The following TTBK2 variants were observed in gnomAD, a reference collection of about 807,000 sequenced individuals.
The protein encoded by TTBK2 is tau-tubulin kinase 2.
In TTBK2, 28 loss-of-function variants were observed where a neutral mutation model predicts 110.8. The ratio of observed to expected loss-of-function variants is 0.25; its 90% CI spans 0.19 to 0.35. The LOEUF is 0.35. Among genes scored for constraint, TTBK2 ranks in the 10% least tolerant of loss-of-function variants. TTBK2 has a pLI of 1.00. For synonymous variants in TTBK2, 532 were observed against 527.3 expected, an observed-to-expected ratio of 1.01 and a Z score of -0.12; for missense variants, 1,369 against 1,500.3, an observed-to-expected ratio of 0.91 and a Z score of 1.45.
chr15:42,801,190 T>A (rs754690683), intron 9 of TTBK2: 1 of 1,383,730 alleles, frequency 7.2e-7, no homozygotes, highest in Non-Finnish European at 1.0e-6. Flanking sequence ...TGGATACTCA[T>A]GTTCTGCATC....
At chr15:42,901,640 TA>T (rs776451927) in intron 1 of TTBK2, among the ~76,000 whole-genome samples, 4 of 150,740 alleles carry the variant, frequency 2.7e-5, no homozygotes, top group African/African-American at 7.3e-5. Context: ...AGAATTTAAT[TA>T]AAAAAAATTT....
intron 9 of TTBK2, among the ~76,000 whole-genome samples, chr15:42,795,116 T>C (rs537179865): frequency 1.3e-5 from 2 of 152,336 alleles, no homozygotes; most frequent in Non-Finnish European, 2.9e-5. Flanking sequence ...TGCATTCAAT[T>C]GAACCATCTA....
intron 1 of TTBK2, among the ~76,000 whole-genome samples, chr15:42,894,615 T>A (rs1370133658): frequency 6.6e-6 from 1 of 152,066 alleles, no homozygotes. Context: ...TAGCTGGACA[T>A]GGTGATGCAC....
intron 3 of TTBK2, chr15:42,857,297 T>C (rs1033102073): frequency 6.6e-6 from 1 of 151,998 alleles, no homozygotes; most frequent in African/African-American, 2.4e-5. Context: ...AGGAGGATTG[T>C]GTGAGGCCAG....
intron 1 of TTBK2, among the ~76,000 whole-genome samples, chr15:42,898,910 G>A (rs1180334590): frequency 1.3e-5 from 2 of 152,174 alleles, no homozygotes; most frequent in Admixed American, 1.3e-4. Context: ...ATAACAACTT[G>A]TATATAACCA....
In TTBK2 at chr15:42,752,186, G is replaced by A. The variant is rs55735086; in HGVS notation, c.3060C>T (p.Leu1020=). 199 of 1,614,202 alleles carry A rather than the reference G, an allele frequency of 1.2e-4. No individual in the cohort carries two copies. The highest frequency in any genetic ancestry group is 1.5e-4 in the Non-Finnish European group (182 of 1,180,038). ...CTACTGTCAGTCTTGAAAAGGGAGT[G>A]AGCACTTCCTCCTCACAAAAGGGAG... ...VPAPFCEEEV[L]TPFSRLTVDS... is the part of the protein sequence containing the mutation. The change falls in exon 14 of 15, where the codon CTC becomes CTT. Residue 1020 remains leucine, a synonymous_variant. Transcript: ENST00000267890.
chr15:42,874,310 A>AT (rs1567071951), intron 2 of TTBK2, among the ~76,000 whole-genome samples: 3 of 150,260 alleles, frequency 2.0e-5, no homozygotes, highest in South Asian at 2.1e-4. Flanking sequence ...TTATTTTTTT[A>AT]TTTTTTTTAT....
chr15:42,889,913 C>T (rs180733622), intron 1 of TTBK2, among the ~76,000 whole-genome samples: 30 of 152,272 alleles, frequency 2.0e-4, no homozygotes, highest in Admixed American at 1.5e-3. Flanking sequence ...CACTCCAACA[C>T]TTCACTATTT....
At chr15:42,804,008 C>CAAAAAA in intron 9 of TTBK2, among the ~76,000 whole-genome samples, 1 of 51,032 alleles carries the variant, frequency 2.0e-5, no homozygotes, top group Non-Finnish European at 4.8e-5. Flanking sequence ...GCGAGGAGTG[C>CAAAAAA]AAAAAAAAAA....
rs1425546708 is a variant in TTBK2, at chr15:42,766,447, A to C, written c.1998+8688T>G. Among the ~76,000 whole-genome samples, 8 of 104,668 alleles carry C rather than the reference A, an allele frequency of 7.6e-5. No homozygotes were observed. In the East Asian group the frequency reaches 8.5e-4, roughly 11 times the overall value. The allele number at this position is 104,668 out of a possible 152,430, so 68.7% of individuals were successfully genotyped here. ...AAGATCTACCAAGCGAATGGAAAGC[A>C]AAAAAAAAAAAAAAAAAAAAGCAAG... On this transcript the variant is annotated intron_variant, in intron 13 of 14. Transcript: ENST00000267890.
chr15:42,761,685 T>A (rs947148153), intron 13 of TTBK2, among the ~76,000 whole-genome samples: 6 of 150,880 alleles, frequency 4.0e-5, no homozygotes, highest in African/African-American at 7.3e-5. Flanking sequence ...AACAAATACA[T>A]GAAAACATGT....
chr15:42,827,887 G>A (rs1045035540), intron 6 of TTBK2, 41 bp downstream of exon 6: 1 of 1,479,542 alleles, frequency 6.8e-7, no homozygotes, highest in African/African-American at 1.4e-5. Flanking sequence ...TAAATACCAG[G>A]GTAATTATCA....
chr15:42,864,475 T>C (rs908250788), intron 3 of TTBK2, among the ~76,000 whole-genome samples: 8 of 151,724 alleles, frequency 5.3e-5, no homozygotes, highest in African/African-American at 1.9e-4. Flanking sequence ...TCGCAAATAC[T>C]CGGGAGGCTG....
In TTBK2 at chr15:42,739,876, C is replaced by T. The variant is rs1023461666; in HGVS notation, c.*5919G>A. ...TGTGGTGAAATGCTGGGCATTGATT[C>T]CTCAGGATTTAAACTGCATATTATT... On this transcript the variant is annotated 3_prime_UTR_variant, in exon 15 of 15. Transcript: ENST00000267890. The T allele has an allele frequency of 6.6e-6, 1 of 152,084 alleles. No homozygotes were observed. Among genetic ancestry groups the T allele is most frequent in the Non-Finnish European group, 1.5e-5 (1 of 68,022 alleles). The allele number at this position is 152,084 out of a possible 1,614,324, so 9.4% of individuals were successfully genotyped here.
At chr15:42,882,025 T>C (rs1479486861) in intron 1 of TTBK2, among the ~76,000 whole-genome samples, 1 of 151,944 alleles carries the variant, frequency 6.6e-6, no homozygotes, top group African/African-American at 2.4e-5. Flanking sequence ...GAAGATAAAA[T>C]ATTTTTATAA....
intron 3 of TTBK2, among the ~76,000 whole-genome samples, chr15:42,855,470 T>C (rs1356053811): frequency 6.6e-6 from 1 of 152,058 alleles, no homozygotes; most frequent in Non-Finnish European, 1.5e-5. Context: ...AAAACAAGGA[T>C]GACATCAAAG....
chr15:42,849,891 C>T (rs536888368), intron 3 of TTBK2, among the ~76,000 whole-genome samples: 1 of 152,238 alleles, frequency 6.6e-6, no homozygotes, highest in Admixed American at 6.5e-5. Context: ...AAGTTCTTCC[C>T]TCTTCTACAA....
chr15:42,815,970 T>TAC, intron 7 of TTBK2, among the ~76,000 whole-genome samples: 1 of 112,496 alleles, frequency 8.9e-6, no homozygotes, highest in Non-Finnish European at 1.7e-5. Flanking sequence ...TATATATATA[T>TAC]ATATATATTT....
At chr15:42,889,191 T>C (rs530319958) in intron 1 of TTBK2, among the ~76,000 whole-genome samples, 1 of 152,116 alleles carries the variant, frequency 6.6e-6, no homozygotes, top group Non-Finnish European at 1.5e-5. Flanking sequence ...CCCCCTCCCT[T>C]CCCTACACAT....
Sources: allele counts gnomAD v4.1 joint callset (sites outside exome capture counted in the v4.1 genomes callset), GRCh38; gene constraint gnomAD v4.1.1; transcripts MANE v1.5; gene names NCBI Gene and HGNC (gene_info 2026-07-23, HGNC 2026-07-21).